The following HHIP variants were observed in gnomAD, a reference collection of about 807,000 sequenced individuals.
The protein encoded by HHIP is hedgehog-interacting protein.
A neutral mutation model predicts 74.0 loss-of-function variants in HHIP; 12 were observed. The observed-to-expected ratio is 0.16, with a 90% CI of 0.10 to 0.26. The LOEUF is 0.26. Ranked by LOEUF, HHIP falls within the 10% of genes least tolerant of loss-of-function variation. HHIP has a pLI of 1.00. For synonymous variants in HHIP, 309 were observed against 311.6 expected (o/e 0.99, Z 0.09); for missense variants, 788 against 845.0 (o/e 0.93, Z 0.84).
intron 4 of HHIP, among the ~76,000 whole-genome samples, chr4:144,666,615 A>G (rs1185903457): frequency 1.3e-5 from 2 of 152,232 alleles, no homozygotes; most frequent in Non-Finnish European, 2.9e-5. Context: ...TGTGCTCTCA[A>G]CCAGGGTGCT....
intron 7 of HHIP, 85 bp from the exon 8 acceptor site, chr4:144,711,865 G>A (rs2126660618): frequency 1.5e-6 from 2 of 1,366,502 alleles, no homozygotes; most frequent in Admixed American, 1.9e-5. Context: ...GTCCACAAAG[G>A]GCTCCTTCCT....
In HHIP at chr4:144,708,324, G is replaced by A. The variant is rs201283248; in HGVS notation, c.1301+13G>A. 2.5e-6 allele frequency: 4 copies of A among 1,613,684 alleles called. No homozygotes were observed. The highest frequency in any genetic ancestry group is 3.4e-6 in the Non-Finnish European group (4 of 1,179,840). On this transcript the variant is annotated intron_variant, in intron 7 of 12. Transcript: ENST00000296575. ...ACGATCCAGGCAGGTGAGAACACAA[G>A]TCTGTCTTCTCACTGGCTTTTAAGC...
chr4:144,689,568 A>G (rs1230758713), intron 4 of HHIP, among the ~76,000 whole-genome samples: 6 of 152,192 alleles, frequency 3.9e-5, no homozygotes, highest in Non-Finnish European at 5.9e-5. Flanking sequence ...ACAGGAAATA[A>G]TTACTTTTGA....
At chr4:144,647,053 C>T in intron 1 of HHIP, 99 bp downstream of exon 1, 2 of 1,046,578 alleles carry the variant, frequency 1.9e-6, no homozygotes, top group East Asian at 2.4e-5. Flanking sequence ...AAGGTCAAAA[C>T]TTCTTTGGGG....
intron 11 of HHIP, among the ~76,000 whole-genome samples, chr4:144,724,057 T>A (rs886595630): frequency 1.3e-5 from 2 of 152,164 alleles, no homozygotes; most frequent in Non-Finnish European, 2.9e-5. Flanking sequence ...TTTAGAGATA[T>A]ACCACAAAAG....
intron 11 of HHIP, among the ~76,000 whole-genome samples, chr4:144,723,150 AATT>A (rs1368231691): frequency 1.3e-5 from 2 of 152,156 alleles, no homozygotes; most frequent in African/African-American, 2.4e-5. Context: ...ATGTTGATTT[AATT>A]ATTATGTACC....
rs567008531 is a variant in HHIP at position 144,732,348 on chromosome 4, TTAAAG to T, written c.1761-2388_1761-2384del. On this transcript the variant is annotated intron_variant, in intron 11 of 12. Transcript: ENST00000296575. ...TTACAGCCACACAGTCTTATATAAATTAAAGTAAACAAGCCCAGGTGTGAAATAAT... is the reference window on the plus strand; with the variant it reads ...TTACAGCCACACAGTCTTATATAAATTAAACAAGCCCAGGTGTGAAATAAT... 1.4e-3 allele frequency among the ~76,000 whole-genome samples: 215 copies of T among 152,304 alleles called. 1 individual carries two copies. The highest frequency in any genetic ancestry group is 5.0e-3 in the African/African-American group (209 of 41,582).
Position 144,739,839 on chromosome 4 carries a change from AC to A in HHIP, c.*1883del, listed in dbSNP as rs1408849987. On this transcript the variant is annotated 3_prime_UTR_variant, in exon 13 of 13. Coordinates refer to ENST00000296575, the MANE Select transcript of HHIP (RefSeq NM_022475.3). ...AAAAGGGGTGGTCCCTTCTAGTCAC[AC>A]TAACACTTCATTGGCCCAACAGTGT... is the stretch of plus-strand genomic sequence containing the variant. 14 of 152,220 alleles carry A rather than the reference AC, an allele frequency of 9.2e-5. No homozygotes were observed. The highest frequency in any genetic ancestry group is 3.4e-4 in the African/African-American group (14 of 41,452). The allele number at this position is 152,220 out of a possible 1,614,324, so 9.4% of individuals were successfully genotyped here. A position where few individuals can be genotyped will look rare whatever the true frequency, so the allele number is the denominator to read the frequency against.
chr4:144,710,286 T>C (rs753281187), intron 7 of HHIP, among the ~76,000 whole-genome samples: 1 of 152,220 alleles, frequency 6.6e-6, no homozygotes, highest in Non-Finnish European at 1.5e-5. Flanking sequence ...ATGGATTTAG[T>C]TCCACCTTAA....
chr4:144,646,687 G>T lies in HHIP; in HGVS notation c.12G>T (p.Met4Ile). Residue 4 changes from methionine to isoleucine, a missense_variant, in exon 1 of 13, where the codon ATG becomes ATT. Met to Ile is a conservative substitution (Grantham distance 10, BLOSUM62 1). Around this residue, in one of 3 missense-constraint regions of HHIP, gnomAD observed 373 missense variants for 366.4 expected, o/e 1.02. Transcript: ENST00000296575. MLK[M>I]LSFKLLLLAV... ...GCTCTGGGCAGACGATGCTGAAGAT[G>T]CTCTCCTTTAAGCTGCTGCTGCTGG... 1.2e-6 allele frequency: 2 copies of T among 1,614,076 alleles called. No individual in the cohort carries two copies. Among genetic ancestry groups the T allele is most frequent in the Non-Finnish European group, 1.7e-6 (2 of 1,179,956 alleles).
rs1253476781 is a variant in HHIP at position 144,706,630 on chromosome 4, G to C, written c.931G>C (p.Ala311Pro). The C allele has an allele frequency of 6.2e-7, 1 of 1,613,782 alleles. No individual in the cohort carries two copies. The highest frequency in any genetic ancestry group is 8.5e-7 in the Non-Finnish European group (1 of 1,179,820). Residue 311 changes from alanine to proline, a missense_variant, in exon 5 of 13, where the codon GCT becomes CCT. This residue lies in a region of HHIP where 373 missense variants were observed against 366.4 expected (regional missense o/e 1.02). Transcript: ENST00000296575. ...VSYTTNQERW[A>P]IGPHDHILRV... Reference sequence around the variant, plus strand: ...CTATACCACCAACCAAGAACGGTGGGCTATCGGGCCTCATGACCACATTCT... The same window carrying C: ...CTATACCACCAACCAAGAACGGTGGCCTATCGGGCCTCATGACCACATTCT...
chr4:144,653,621 C>A (rs1352007253), intron 2 of HHIP, among the ~76,000 whole-genome samples: 1 of 151,988 alleles, frequency 6.6e-6, no homozygotes, highest in African/African-American at 2.4e-5. Flanking sequence ...TGGGCAAAGT[C>A]GCACACAAAT....
At chr4:144,708,406 C>A (rs1247880476) in intron 7 of HHIP, 95 bp downstream of exon 7, 5 of 1,293,612 alleles carry the variant, frequency 3.9e-6, no homozygotes, top group Non-Finnish European at 5.5e-6. Flanking sequence ...CATCACAGAG[C>A]AGCCAAAGGT....
At chr4:144,710,011 TAA>T (rs1730247838) in intron 7 of HHIP, among the ~76,000 whole-genome samples, 1 of 152,172 alleles carries the variant, frequency 6.6e-6, no homozygotes, top group Non-Finnish European at 1.5e-5. Context: ...GACAAATGGA[TAA>T]TGACATGTAT....
chr4:144,744,135 G>A lies in HHIP; in HGVS notation c.*6178G>A, dbSNP rs1731328575. On this transcript the variant is annotated 3_prime_UTR_variant, in exon 13 of 13. Transcript: ENST00000296575. ...TGTAGTAATAAGATAAATGGTAACT[G>A]AGGTACTATGGAATTTTTAGAACTT... is the stretch of plus-strand genomic sequence containing the variant. 6.6e-6 allele frequency: 1 copy of A among 152,078 alleles called. No individual in the cohort carries two copies. The highest frequency in any genetic ancestry group is 1.5e-5 in the Non-Finnish European group (1 of 67,988). The allele number at this position is 152,078 out of a possible 1,614,324, so 9.4% of individuals were successfully genotyped here. A position where few individuals can be genotyped will look rare whatever the true frequency, so the allele number is the denominator to read the frequency against.
At chr4:144,663,543 T>C (rs1395180079) in intron 4 of HHIP, among the ~76,000 whole-genome samples, 2 of 152,240 alleles carry the variant, frequency 1.3e-5, no homozygotes, top group African/African-American at 4.8e-5. Context: ...ATACCAGTTG[T>C]CATTTGCCCT....
In HHIP at chr4:144,715,373, G is replaced by C; in HGVS notation, c.1621G>C (p.Gly541Arg). ...AAAACCACTCTGTCTCGGCACTAGT[G>C]GGTCCTGTAGAGGCTACTTTTCCGG... ...QEKPLCLGTS[G>R]SCRGYFSGHI... The change falls in exon 10 of 13, where the codon GGG becomes CGG. Residue 541 changes from glycine (G) to arginine (R), a missense_variant. By Grantham distance (125) the Gly-to-Arg change is moderately radical (BLOSUM62 -2). This residue lies in a region of HHIP where 343 missense variants were observed against 347.9 expected (regional missense o/e 0.99). Coordinates refer to ENST00000296575, the MANE Select transcript of HHIP (RefSeq NM_022475.3). 1 of 1,613,492 alleles carries C rather than the reference G, an allele frequency of 6.2e-7. No individual in the cohort carries two copies.
At chr4:144,667,205 C>T (rs1728896484) in intron 4 of HHIP, among the ~76,000 whole-genome samples, 1 of 152,066 alleles carries the variant, frequency 6.6e-6, no homozygotes, top group African/African-American at 2.4e-5. Flanking sequence ...TAAACATTAG[C>T]CAGGTGTGAT....
intron 4 of HHIP, among the ~76,000 whole-genome samples, chr4:144,667,833 A>C (rs867347249): frequency 6.6e-6 from 1 of 152,176 alleles, no homozygotes. Context: ...TAGGATTTGC[A>C]AAGGAAATAT....
Sources: gnomAD v4.1 joint callset for allele counts (sites outside exome capture counted in the v4.1 genomes callset) on GRCh38, gnomAD v4.1.1 for gene constraint, gnomAD v4.1.1 regional missense constraint, MANE v1.5 for transcripts, NCBI Gene and HGNC (gene_info 2026-07-23, HGNC 2026-07-21) for gene names.